Variants in FLT3 observed in about 807,000 individuals in gnomAD.
FLT3 encodes fms related receptor tyrosine kinase 3, also known as receptor-type tyrosine-protein kinase FLT3.
In FLT3, 46 loss-of-function variants were observed where a neutral mutation model predicts 126.6. The observed-to-expected ratio is 0.36, with a 90% confidence interval of 0.29 to 0.46. The LOEUF is 0.46. FLT3 is among the 20% of genes least tolerant of loss of function. The probability of loss-of-function intolerance (pLI) is 1.00; values close to 1 mark genes in which losing one functional copy is unlikely to be tolerated. For missense variants in FLT3, 1,069 were observed against 1,190.3 expected (o/e 0.90, Z 1.50); for synonymous variants, 404 against 434.4 (o/e 0.93, Z 0.87).
At chr13:28,010,347 A>G (rs1313878747) in intron 23 of FLT3, among the ~76,000 whole-genome samples, 1 of 152,202 alleles carries the variant, frequency 6.6e-6, no homozygotes, top group Non-Finnish European at 1.5e-5. Context: ...AGAGACCCAT[A>G]ATATAAAGTC....
intron 23 of FLT3, among the ~76,000 whole-genome samples, chr13:28,013,081 G>A (rs1470713201): frequency 6.6e-6 from 1 of 152,100 alleles, no homozygotes; most frequent in Non-Finnish European, 1.5e-5. Context: ...TGTGCAATAG[G>A]CTATAAGTCT....
intron 4 of FLT3, among the ~76,000 whole-genome samples, chr13:28,053,266 G>T (rs1001093112): frequency 2.0e-5 from 3 of 150,336 alleles, no homozygotes; most frequent in Admixed American, 2.0e-4. Flanking sequence ...AGAGACTGGA[G>T]TTCATGACCT....
rs1018265700 is a variant in FLT3, at chr13:28,052,648, G to T, written c.511C>A (p.Pro171Thr). ...TGGTTTTCCATTTTTCTAAAGTAAG[G>T]TCTTCTTAATGTGTAAAGCAGGGTA... ...RNTLLYTLRR[P>T]YFRKMENQDA... Residue 171 changes from proline (P) to threonine (T), a missense_variant, in exon 5 of 24, where the codon CCT becomes ACT. Pro to Thr is a conservative substitution (Grantham distance 38). Transcript: ENST00000241453. 8 of 1,609,540 alleles carry T rather than the reference G, an allele frequency of 5.0e-6. No homozygotes were observed. In the Admixed American group the frequency reaches 1.0e-4, roughly 20 times the overall value.
At chr13:28,056,690 G>A (rs1455691124) in intron 4 of FLT3, among the ~76,000 whole-genome samples, 2 of 152,190 alleles carry the variant, frequency 1.3e-5, no homozygotes, top group Admixed American at 6.5e-5. Flanking sequence ...GGTCTAGCAC[G>A]CATGTGGGCC....
At position 28,035,292 on chromosome 13, in the gene FLT3, CAT is replaced by C. The variant is rs368099135; in HGVS notation, c.1597+201_1597+202del. 5.3e-5 allele frequency among the ~76,000 whole-genome samples: 8 copies of C among 152,328 alleles called. No individual in the cohort carries two copies. The East Asian group carries it at 1.2e-3, about 22-fold the overall frequency. ...TCTGCTTCTCCCGGTCACTGTGACA[CAT>C]GAGTCACAAGGGCACAGGGAGGACT... is the stretch of plus-strand genomic sequence containing the variant. On this transcript the variant is annotated intron_variant, in intron 12 of 23. Transcript: ENST00000241453.
At chr13:28,087,937 C>A (rs12428920) in intron 1 of FLT3, among the ~76,000 whole-genome samples, 11 of 152,018 alleles carry the variant, frequency 7.2e-5, no homozygotes, top group Admixed American at 7.2e-4. Context: ...GTTATAATAA[C>A]CGTTTTAATT....
chr13:28,027,384 T>C, intron 16 of FLT3, 143 bp from the exon 17 acceptor site: 1 of 526,720 alleles, frequency 1.9e-6, no homozygotes. Context: ...GCCTAGCTCT[T>C]CTTATACTTT....
intron 19 of FLT3, among the ~76,000 whole-genome samples, 183 bp downstream of exon 19, chr13:28,023,167 C>A (rs1872541851): frequency 6.6e-6 from 1 of 152,192 alleles, no homozygotes; most frequent in South Asian, 2.1e-4. Flanking sequence ...CACAAGGGAT[C>A]CCAGGCCTTT....
chr13:28,085,169 C>G lies in FLT3; in HGVS notation c.44-14557G>C, dbSNP rs569130371. On this transcript the variant is annotated intron_variant, in intron 1 of 23. Coordinates refer to ENST00000241453, the MANE Select transcript of FLT3 (RefSeq NM_004119.3). The stretch of plus-strand genomic sequence containing the variant: ...ACCAGCCTGGCCAACGTGGTGAAAC[C>G]CTGTTTCTACTAAAAATACAAAAAA... Among the ~76,000 whole-genome samples the G allele has an allele frequency of 9.8e-4, 148 of 150,974 alleles. 1 individual carries two copies. Among genetic ancestry groups the G allele is most frequent in the Non-Finnish European group, 1.3e-3 (86 of 67,774 alleles).
chr13:28,092,387 G>C (rs765125426), intron 1 of FLT3, among the ~76,000 whole-genome samples: 1 of 151,732 alleles, frequency 6.6e-6, no homozygotes, highest in African/African-American at 2.4e-5. Flanking sequence ...GTTTTTTTTA[G>C]ATAGGGTCTC....
Position 28,033,911 on chromosome 13 carries a change from G to GGA in FLT3, c.1916_1917dup (p.Gln640SerfsTer8), listed in dbSNP as rs746741787. On this transcript the variant is annotated frameshift_variant, in exon 15 of 24. Coordinates refer to ENST00000241453, the MANE Select transcript of FLT3 (RefSeq NM_004119.3). LOFTEE classifies it high-confidence loss of function. ...CCTTTCAGCATTTTGACGGCAACCT[G>GGA]GATTGAGACTCCTGTTTTGCTAATT... 2 of 1,614,032 alleles carry GGA rather than the reference G, an allele frequency of 1.2e-6. No individual in the cohort carries two copies. Among genetic ancestry groups the GGA allele is most frequent in the Non-Finnish European group, 1.7e-6 (2 of 1,179,956 alleles).
rs151103737 is a variant in FLT3, at chr13:28,090,532, C to G, written c.43+9936G>C. On this transcript the variant is annotated intron_variant, in intron 1 of 23. Coordinates refer to ENST00000241453, the MANE Select transcript of FLT3 (RefSeq NM_004119.3). The stretch of plus-strand genomic sequence containing the variant: ...GTGGCTCACACTTATAATCCCAGTA[C>G]TTTGGGAGGCCGAGGCAGGAGGATC... Among the ~76,000 whole-genome samples the G allele has an allele frequency of 4.3e-3, 654 of 152,178 alleles. 13 individuals carry two copies. The highest frequency in any genetic ancestry group is 2.1e-3 in the Non-Finnish European group (143 of 67,994).
At chr13:28,038,309 G>A (rs575924003) in intron 9 of FLT3, among the ~76,000 whole-genome samples, 69 of 152,184 alleles carry the variant, frequency 4.5e-4, no homozygotes, top group African/African-American at 1.6e-3. Flanking sequence ...GAGAGGCAGG[G>A]CAGCAATGAG....
chr13:28,051,297 C>T (rs181748495), intron 5 of FLT3, among the ~76,000 whole-genome samples: 30 of 151,864 alleles, frequency 2.0e-4, no homozygotes, highest in Admixed American at 1.3e-3. Context: ...AGTGCAATGG[C>T]GCGATCTCGG....
In FLT3 at chr13:28,004,028, A is replaced by T. The variant is rs750891859; in HGVS notation, c.*24T>A. 1 of 1,613,864 alleles carries T rather than the reference A, an allele frequency of 6.2e-7. No individual in the cohort carries two copies. The highest frequency in any genetic ancestry group is 1.1e-5 in the South Asian group (1 of 91,070). ...CTGTTAGGGATAGGTGGAGGGATGA[A>T]GTCCTTAAAACTAAATTGTTCCTCT... On this transcript the variant is annotated 3_prime_UTR_variant, in exon 24 of 24. Transcript: ENST00000241453.
At position 28,072,931 on chromosome 13, in the gene FLT3, G is replaced by A. The variant is rs547513036; in HGVS notation, c.44-2319C>T. On this transcript the variant is annotated intron_variant, in intron 1 of 23. Coordinates refer to ENST00000241453, the MANE Select transcript of FLT3 (RefSeq NM_004119.3). ...GAGGCAGGAGAATAGCGTAAACCCGGGAGGCGGAGCTTGCAGTGAGCCAAG... is the reference window on the plus strand; with the variant it reads ...GAGGCAGGAGAATAGCGTAAACCCGAGAGGCGGAGCTTGCAGTGAGCCAAG... Among the ~76,000 whole-genome samples the A allele has an allele frequency of 2.1e-4, 32 of 152,224 alleles. No homozygotes were observed. The South Asian group carries it at 5.2e-3, about 25-fold the overall frequency.
intron 1 of FLT3, chr13:28,073,372 A>G: frequency 2.5e-6 from 1 of 400,336 alleles, no homozygotes; most frequent in South Asian, 1.8e-5. Context: ...AAAAAAAAGC[A>G]TTTTTTACTG....
At chr13:28,035,883 G>T in intron 11 of FLT3, 52 bp downstream of exon 11, 1 of 1,411,952 alleles carries the variant, frequency 7.1e-7, no homozygotes, top group Non-Finnish European at 1.0e-6. Context: ...GAGTCAATAG[G>T]TCAGAGAGTT....
At chr13:28,082,226 C>G (rs1878373290) in intron 1 of FLT3, among the ~76,000 whole-genome samples, 3 of 152,122 alleles carry the variant, frequency 2.0e-5, no homozygotes, top group Non-Finnish European at 4.4e-5. Context: ...TCATAGCTCA[C>G]TCCAACACTG....
Sources: gnomAD v4.1 joint callset for allele counts (sites outside exome capture counted in the v4.1 genomes callset) on GRCh38, gnomAD v4.1.1 for gene constraint, MANE v1.5 for transcripts, NCBI Gene and HGNC (gene_info 2026-07-23, HGNC 2026-07-21) for gene names.